GPM6A: variants seen among roughly 807,000 people sequenced by gnomAD.
The protein encoded by GPM6A is neuronal membrane glycoprotein M6-a.
A neutral mutation model predicts 32.1 loss-of-function variants in GPM6A; 7 were observed. The ratio of observed to expected loss-of-function variants is 0.22; its 90% CI spans 0.12 to 0.41. The LOEUF (loss-of-function observed/expected upper bound fraction) is 0.41, where lower values mean the gene tolerates loss of function less well. Ranked by LOEUF, GPM6A falls within the 10% of genes least tolerant of loss-of-function variation. The pLI is 1.00. For missense variants in GPM6A, 235 were observed against 347.2 expected (o/e 0.68, Z 2.57); for synonymous variants, 130 against 123.4 (o/e 1.05, Z -0.35).
intron 1 of GPM6A, among the ~76,000 whole-genome samples, chr4:175,731,239 C>T (rs1323271220): frequency 6.6e-6 from 1 of 152,196 alleles, no homozygotes. Context: ...TCATCTCTCA[C>T]TGCAGCCGAT....
Position 175,677,861 on chromosome 4 carries a change from G to A in GPM6A, c.231-4025C>T, listed in dbSNP as rs531045175. On this transcript the variant is annotated intron_variant, in intron 2 of 6. Transcript: ENST00000393658. ...TCCAAATGTACCAGTCATGAAAAAC[G>A]TGGTCACAGATTGCTAGTCCATTGA... Among the ~76,000 whole-genome samples, 13 of 152,212 alleles carry A rather than the reference G, an allele frequency of 8.5e-5. No individual in the cohort carries two copies. In the East Asian group the frequency reaches 1.5e-3, roughly 18 times the overall value.
At chr4:175,757,923 T>A (rs888856504) in intron 1 of GPM6A, among the ~76,000 whole-genome samples, 1 of 152,120 alleles carries the variant, frequency 6.6e-6, no homozygotes, top group African/African-American at 2.4e-5. Flanking sequence ...TAAAAGTAGG[T>A]TAAAAGCCTA....
At chr4:175,737,124 A>G (rs1731692476) in intron 1 of GPM6A, among the ~76,000 whole-genome samples, 2 of 152,222 alleles carry the variant, frequency 1.3e-5, no homozygotes, top group Non-Finnish European at 2.9e-5. Flanking sequence ...CCATTTACAG[A>G]ACACGGTGTG....
At chr4:175,887,716 G>GA (rs956159459) in intron 1 of GPM6A, among the ~76,000 whole-genome samples, 1 of 150,490 alleles carries the variant, frequency 6.6e-6, no homozygotes, top group South Asian at 2.1e-4. Context: ...TAAAAATTTT[G>GA]AAAAAAAATA....
chr4:175,801,825 CT>C lies in GPM6A; in HGVS notation c.37+10365del, dbSNP rs376703227. Among the ~76,000 whole-genome samples the C allele has an allele frequency of 1.4e-4, 21 of 152,146 alleles. No homozygotes were observed. In the East Asian group the frequency reaches 3.1e-3, roughly 22 times the overall value. ...GCCAAATATTGCAATGATTATATAA[CT>C]GTAAGTATGACACAAAGTTTCCTTC... On this transcript the variant is annotated intron_variant, in intron 1 of 6. Coordinates refer to ENST00000393658, the MANE Select transcript of GPM6A (RefSeq NM_201591.3).
At position 175,914,681 on chromosome 4, in the gene GPM6A, T is replaced by C. The variant is rs1378592892; in HGVS notation, c.-23+87628A>G. On this transcript the variant is annotated intron_variant, in intron 1 of 7. Transcript: ENST00000280187. ...ATAAGGTAAAGAAAGAAGTCAAATA[T>C]GCATTTGTCTTGTCTAGTGCCAGTG... Among the ~76,000 whole-genome samples, 3 of 152,330 alleles carry C rather than the reference T, an allele frequency of 2.0e-5. No homozygotes were observed. In the East Asian group the frequency reaches 5.8e-4, roughly 29 times the overall value.
intron 1 of GPM6A, among the ~76,000 whole-genome samples, chr4:175,927,658 G>C (rs945919130): frequency 6.6e-6 from 1 of 152,270 alleles, no homozygotes. Flanking sequence ...GCCGTGGTGG[G>C]TGGATCACTT....
At chr4:175,698,526 C>A (rs73002161) in intron 2 of GPM6A, among the ~76,000 whole-genome samples, 7,168 of 152,144 alleles carry the variant, frequency 0.047, 202 homozygotes, top group Non-Finnish European at 0.063. Flanking sequence ...CCCTGCATAG[C>A]GTAATATCTA....
chr4:175,722,842 G>C (rs143586491), intron 1 of GPM6A, among the ~76,000 whole-genome samples: 2 of 151,698 alleles, frequency 1.3e-5, no homozygotes, highest in Non-Finnish European at 2.9e-5. Flanking sequence ...CCAGGAGTTC[G>C]AGGCCTGTCT....
intron 1 of GPM6A, among the ~76,000 whole-genome samples, chr4:175,863,940 G>T (rs1315645413): frequency 1.3e-5 from 2 of 152,046 alleles, no homozygotes; most frequent in Non-Finnish European, 1.5e-5. Context: ...ATTCTAGGCT[G>T]CAGTGAGCTG....
intron 1 of GPM6A, among the ~76,000 whole-genome samples, chr4:175,919,202 C>T (rs906819522): frequency 7.9e-5 from 12 of 151,830 alleles, no homozygotes; most frequent in Non-Finnish European, 8.8e-5. Context: ...TTTTTTTTCC[C>T]CTTCTCATGA....
chr4:175,639,618 T>C (rs189771689), intron 6 of GPM6A, among the ~76,000 whole-genome samples: 70 of 152,304 alleles, frequency 4.6e-4, no homozygotes, highest in African/African-American at 1.6e-3. Context: ...CTCCTCATTG[T>C]GTAAAAGCTT....
Position 175,904,443 on chromosome 4 carries a change from CACACATAT to C in GPM6A, c.-22-92202_-22-92195del, listed in dbSNP as rs1738065566. 3.3e-5 allele frequency among the ~76,000 whole-genome samples: 5 copies of C among 152,190 alleles called. No homozygotes were observed. In the South Asian group the frequency reaches 1.0e-3, roughly 32 times the overall value. On this transcript the variant is annotated intron_variant, in intron 1 of 7. Transcript: ENST00000280187. ...CTACATACATATGTATACATATACA[CACACATAT>C]ATATACACACACATACATGTTCATA...
At chr4:175,987,764 C>T (rs1741023198) in intron 1 of GPM6A, among the ~76,000 whole-genome samples, 1 of 151,948 alleles carries the variant, frequency 6.6e-6, no homozygotes, top group South Asian at 2.1e-4. Flanking sequence ...TCAAAAATTG[C>T]CATGAAACTG....
At chr4:175,855,633 G>C (rs1360626218) in intron 1 of GPM6A, among the ~76,000 whole-genome samples, 5 of 152,264 alleles carry the variant, frequency 3.3e-5, no homozygotes, top group African/African-American at 1.2e-4. Flanking sequence ...TTAATGTACT[G>C]GAATTGAACA....
intron 1 of GPM6A, among the ~76,000 whole-genome samples, chr4:175,738,119 G>A (rs1171758074): frequency 1.3e-5 from 2 of 152,072 alleles, no homozygotes; most frequent in African/African-American, 4.8e-5. Flanking sequence ...TGTATTTTTA[G>A]TAGAGGTGGG....
At chr4:175,822,877 T>A (rs1340210198) in intron 1 of GPM6A, among the ~76,000 whole-genome samples, 1 of 152,154 alleles carries the variant, frequency 6.6e-6, no homozygotes, top group African/African-American at 2.4e-5. Flanking sequence ...CCTCCCTGTG[T>A]CCATGTGTTC....
intron 1 of GPM6A, among the ~76,000 whole-genome samples, chr4:175,722,274 A>G (rs1746178558): frequency 6.6e-6 from 1 of 152,068 alleles, no homozygotes. Flanking sequence ...GGGTGATGAG[A>G]GAGTGGAAGT....
At position 175,924,839 on chromosome 4, in the gene GPM6A, C is replaced by CAAAAAAA. The variant is rs1190915755; in HGVS notation, c.-23+77463_-23+77469dup. Among the ~76,000 whole-genome samples the CAAAAAAA allele has an allele frequency of 1.9e-3, 119 of 61,972 alleles. 1 individual carries two copies. The highest frequency in any genetic ancestry group is 5.3e-3 in the African/African-American group (117 of 22,050). 40.7% of individuals were successfully genotyped at this position (61,972 alleles called of 152,430 possible). Reference sequence around the variant, plus strand: ...TAGGCAACAGAGTGAAAATCTGTCTCAAAAAAAAAAAAAAAAAAAAGAGAG... The same window carrying CAAAAAAA: ...TAGGCAACAGAGTGAAAATCTGTCTCAAAAAAAAAAAAAAAAAAAAAAAAAAAGAGAG... On this transcript the variant is annotated intron_variant, in intron 1 of 7. Coordinates refer to the GPM6A transcript ENST00000280187.
Sources: gnomAD v4.1 joint callset for allele counts (sites outside exome capture counted in the v4.1 genomes callset) on GRCh38, gnomAD v4.1.1 for gene constraint, MANE v1.5 for transcripts, NCBI Gene and HGNC (gene_info 2026-07-23, HGNC 2026-07-21) for gene names.